The following WDR27 variants were observed in gnomAD, a reference collection of about 807,000 sequenced individuals.
WDR27 encodes the protein WD repeat-containing protein 27.
WDR27 carries 100 observed loss-of-function variants against 114.4 expected under a neutral mutation model. The observed-to-expected ratio is 0.87, with a 90% confidence interval of 0.74 to 1.03. The LOEUF is 1.03. WDR27 is among the 50% of genes least tolerant of loss of function. The pLI is 0.00. For synonymous variants in WDR27, 449 were observed against 423.1 expected, an observed-to-expected ratio of 1.06 and a Z score of -0.75; for missense variants, 1,129 against 1,092.9, an observed-to-expected ratio of 1.03 and a Z score of -0.47.
chr6:169,607,043 T>C (rs1809345507), intron 22 of WDR27, among the ~76,000 whole-genome samples: 1 of 152,168 alleles, frequency 6.6e-6, no homozygotes, highest in Admixed American at 6.5e-5. Context: ...TGAGATTTCA[T>C]CTTACACCAG....
At position 169,659,343 on chromosome 6, in the gene WDR27, T is replaced by C. The variant is rs2128261883; in HGVS notation, c.1197+108A>G. 1 of 1,568,916 alleles carries C rather than the reference T, an allele frequency of 6.4e-7. No homozygotes were observed. The highest frequency in any genetic ancestry group is 8.7e-7 in the Non-Finnish European group (1 of 1,149,422). On this transcript the variant is annotated intron_variant, in intron 11 of 25. Transcript: ENST00000448612. This position sits in a 1 kb window ranked among gnomAD's most constrained non-coding sequence, Gnocchi z 4.3. ...CGCCCTGTCACTCCTAAAACGTTTT[T>C]ACACACAAAATCCCGTTTACTCAGC... is the stretch of plus-strand genomic sequence containing the variant.
chr6:169,452,455 T>G (rs1353636492), downstream of WDR27, among the ~76,000 whole-genome samples: 2 of 152,180 alleles, frequency 1.3e-5, no homozygotes, highest in Non-Finnish European at 2.9e-5. Flanking sequence ...AAGAAACGGC[T>G]GCAGTGAGAG....
At chr6:169,652,110 A>T in intron 13 of WDR27, 102 bp from the exon 14 acceptor site, 1 of 981,874 alleles carries the variant, frequency 1.0e-6, no homozygotes, top group South Asian at 1.6e-5. Context: ...ACATTCACAC[A>T]AACAGAATGA....
intron 1 of WDR27, among the ~76,000 whole-genome samples, chr6:169,690,104 T>G (rs1784091274): frequency 6.6e-6 from 1 of 151,556 alleles, no homozygotes; most frequent in Non-Finnish European, 1.5e-5. Context: ...GTCATATGGA[T>G]TCAGAGGATC....
At chr6:169,493,538 C>G (rs1392819497) in intron 25 of WDR27, among the ~76,000 whole-genome samples, 1 of 152,050 alleles carries the variant, frequency 6.6e-6, no homozygotes, top group East Asian at 1.9e-4. Context: ...CTACTTTTCT[C>G]CAAACCTGTT....
Position 169,688,989 on chromosome 6 carries a change from T to A in WDR27, c.17A>T (p.Asp6Val), listed in dbSNP as rs771666317. 3 of 1,612,106 alleles carry A rather than the reference T, an allele frequency of 1.9e-6. No individual in the cohort carries two copies. In the South Asian group the frequency reaches 3.3e-5, roughly 18 times the overall value. The part of the protein sequence containing the change: MENPQ[D>V]IFSSNGGCLS... ...ACAGCCACCATTACTTGAGAAAATGTCTTGGGGATTTTCCATCTTCAATCT... is the reference window on the plus strand; with the variant it reads ...ACAGCCACCATTACTTGAGAAAATGACTTGGGGATTTTCCATCTTCAATCT... Residue 6 changes from aspartate (D) to valine (V), a missense_variant, in exon 2 of 26, where the codon GAC becomes GTC. By Grantham distance (152) the Asp-to-Val change is radical. Coordinates refer to ENST00000448612, the MANE Select transcript of WDR27 (RefSeq NM_182552.5).
the WDR27 span, among the ~76,000 whole-genome samples, chr6:169,445,483 A>T: frequency 6.6e-6 from 1 of 152,214 alleles, no homozygotes. Flanking sequence ...AAACAGAATT[A>T]ATTGTAGGTC....
chr6:169,451,682 C>T, the WDR27 span, among the ~76,000 whole-genome samples: 2,582 of 152,250 alleles, frequency 0.017, 71 homozygotes, highest in African/African-American at 0.059. Context: ...TCCTTGTCAA[C>T]GTTTGGTATT....
intron 2 of WDR27, among the ~76,000 whole-genome samples, chr6:169,679,755 A>T (rs1209237933): frequency 6.6e-6 from 1 of 152,242 alleles, no homozygotes; most frequent in Non-Finnish European, 1.5e-5. Context: ...ACCATGAGCC[A>T]ATTAAATCTC....
chr6:169,532,694 A>G (rs913588550), intron 25 of WDR27, among the ~76,000 whole-genome samples: 1 of 152,120 alleles, frequency 6.6e-6, no homozygotes, highest in African/African-American at 2.4e-5. Flanking sequence ...GTATTTGTCA[A>G]TGGGTAGATG....
rs756384047 is a variant in WDR27, at chr6:169,684,927, T to C, written c.189+3890A>G. 5.3e-5 allele frequency among the ~76,000 whole-genome samples: 8 copies of C among 152,274 alleles called. No individual in the cohort carries two copies. Among genetic ancestry groups the C allele is most frequent in the Non-Finnish European group, 7.4e-5 (5 of 68,020 alleles). On this transcript the variant is annotated intron_variant, in intron 2 of 25. Transcript: ENST00000448612. This position sits in a 1 kb window ranked among gnomAD's most constrained non-coding sequence, Gnocchi z 4.3. ...CAACCCCAGCAAGCCAGACCCCAAG[T>C]TGGCTGACCCTATGTGTACATGTGT...
intron 23 of WDR27, among the ~76,000 whole-genome samples, chr6:169,599,131 C>T (rs1297271542): frequency 7.2e-6 from 1 of 138,196 alleles, no homozygotes; most frequent in African/African-American, 2.6e-5. Flanking sequence ...AATGCTATCC[C>T]TCCCCCCTCC....
At chr6:169,597,967 T>C (rs1807178839) in intron 23 of WDR27, among the ~76,000 whole-genome samples, 1 of 152,002 alleles carries the variant, frequency 6.6e-6, no homozygotes. Flanking sequence ...TCTCTTTTTT[T>C]TTTTGTTTAG....
At chr6:169,495,982 A>T (rs546244927) in intron 25 of WDR27, among the ~76,000 whole-genome samples, 1 of 152,248 alleles carries the variant, frequency 6.6e-6, no homozygotes, top group East Asian at 1.9e-4. Context: ...ACTACAGACC[A>T]ATATCCCTTA....
chr6:169,676,471 G>A (rs764931415), intron 2 of WDR27, among the ~76,000 whole-genome samples: 42 of 152,286 alleles, frequency 2.8e-4, no homozygotes, highest in Non-Finnish European at 4.7e-4. Flanking sequence ...ATAGGCCTGC[G>A]AAGCTGTCTC....
At chr6:169,670,845 A>C in intron 3 of WDR27, 152 bp from the exon 4 acceptor site, 1 of 1,084,640 alleles carries the variant, frequency 9.2e-7, no homozygotes, top group Non-Finnish European at 1.3e-6. Context: ...TAAGAATATC[A>C]AAAATACTGG....
rs1030484746 is a variant in WDR27, at chr6:169,659,870, TG to T, written c.1130-353del. ...ATGTGTAATTAGAGCTGTGACCATT[TG>T]GGGGAAGGAAAGGCTGAGTTTTCAA... On this transcript the variant is annotated intron_variant, in intron 10 of 25. Transcript: ENST00000448612. The surrounding 1 kb of genome is among the most constrained non-coding windows in gnomAD (Gnocchi z 4.3). Among the ~76,000 whole-genome samples, 1 of 151,728 alleles carries T rather than the reference TG, an allele frequency of 6.6e-6. No homozygotes were observed. The highest frequency in any genetic ancestry group is 2.4e-5 in the African/African-American group (1 of 41,276).
At position 169,472,178 on chromosome 6, in the gene WDR27, A is replaced by G. The variant is rs1583624630; in HGVS notation, c.2646-14544T>C. On this transcript the variant is annotated intron_variant, in intron 25 of 25. Transcript: ENST00000448612. The stretch of plus-strand genomic sequence containing the variant: ...TTTGCTTTCATAATTGATTAAGGGA[A>G]TCAAACATAAAAAAAGAGAAATAAC... 3.9e-5 allele frequency among the ~76,000 whole-genome samples: 6 copies of G among 152,294 alleles called. No homozygotes were observed. The Middle Eastern group carries it at 0.02, about 518-fold the overall frequency.
chr6:169,628,874 G>A (rs922288990), intron 21 of WDR27, among the ~76,000 whole-genome samples: 1 of 152,106 alleles, frequency 6.6e-6, no homozygotes, highest in African/African-American at 2.4e-5. Flanking sequence ...AGAACTGTGT[G>A]AGAGTAGTTG....
Sources: gnomAD v4.1 joint callset for allele counts (sites outside exome capture counted in the v4.1 genomes callset) on GRCh38, gnomAD v4.1.1 for gene constraint, Gnocchi (gnomAD v3.1) non-coding constraint, MANE v1.5 for transcripts, NCBI Gene and HGNC (gene_info 2026-07-23, HGNC 2026-07-21) for gene names.